The following UNKL variants were observed in gnomAD, a reference collection of about 807,000 sequenced individuals.
UNKL encodes the protein unk like zinc finger.
In UNKL, 60 loss-of-function variants were observed where a neutral mutation model predicts 78.0. The ratio of observed to expected loss-of-function variants is 0.77; its 90% CI spans 0.63 to 0.95. The LOEUF is 0.95. Among genes scored for constraint, UNKL ranks in the 40% least tolerant of loss-of-function variants. The pLI is 0.00. For missense variants in UNKL, 1,159 were observed against 1,045.7 expected (o/e 1.11, Z -1.49); for synonymous variants, 608 against 474.8 (o/e 1.28, Z -3.65).
At chr16:1,375,167 G>A (rs920833482) in intron 10 of UNKL, among the ~76,000 whole-genome samples, 1 of 152,216 alleles carries the variant, frequency 6.6e-6, no homozygotes, top group African/African-American at 2.4e-5. Context: ...GTGCCGCGGT[G>A]GTGGCCCCAG....
rs778299073 is a variant in UNKL at position 1,401,541 on chromosome 16, C to T, written c.598+27G>A. On this transcript the variant is annotated intron_variant, in intron 4 of 14. Coordinates refer to ENST00000389221, the MANE Select transcript of UNKL (RefSeq NM_001372107.1). ...GCGCTGTGCCCGCCCCCCCCACCAC[C>T]GCCCTCAGCTGCGGCCGTGGAGTTA... 1.9e-5 allele frequency: 29 copies of T among 1,514,006 alleles called. No individual in the cohort carries two copies. The African/African-American group carries it at 2.9e-4, about 15-fold the overall frequency. 93.8% of individuals were successfully genotyped at this position (1,514,006 alleles called of 1,614,324 possible).
intron 10 of UNKL, among the ~76,000 whole-genome samples, chr16:1,372,029 G>A (rs556386592): frequency 7.6e-4 from 115 of 152,214 alleles, no homozygotes; most frequent in African/African-American, 2.7e-3. Flanking sequence ...GGCCGAGGTG[G>A]GCAGATCACA....
At chr16:1,375,207 T>C (rs4984826) in intron 10 of UNKL, among the ~76,000 whole-genome samples, 143,505 of 152,334 alleles carry the variant, frequency 0.94, 67,651 homozygotes, top group East Asian at 1. Context: ...GGCGTGGACG[T>C]GGCGCAGCTG....
At chr16:1,371,776 G>A (rs1271492362) in intron 10 of UNKL, among the ~76,000 whole-genome samples, 165 bp from the exon 11 acceptor site, 1 of 152,256 alleles carries the variant, frequency 6.6e-6, no homozygotes, top group East Asian at 1.9e-4. Context: ...GCCCGTCCTC[G>A]CAGCCCCCCA....
chr16:1,413,697 G>C, intron 2 of UNKL, 149 bp downstream of exon 2: 2 of 883,178 alleles, frequency 2.3e-6, no homozygotes, highest in South Asian at 1.9e-5. Flanking sequence ...AGCATCCCTG[G>C]TCACTAGAAA....
At chr16:1,375,098 G>A (rs1052144492) in intron 10 of UNKL, among the ~76,000 whole-genome samples, 7 of 152,240 alleles carry the variant, frequency 4.6e-5, no homozygotes, top group Admixed American at 2.0e-4. Context: ...CCCCTCGCCC[G>A]AGGCCTGGCG....
Position 1,367,563 on chromosome 16 carries a change from C to CCTCT in UNKL, c.1788+92_1788+93insAGAG, listed in dbSNP as rs1446257054. ...CTCACCTGAGTCACCTGCGGCCCTCCCTCCCTCCCCTCCCATCTCACCCCC... is the reference window on the plus strand; with the variant it reads ...CTCACCTGAGTCACCTGCGGCCCTCCCTCTCTCCCTCCCCTCCCATCTCACCCCC... On this transcript the variant is annotated intron_variant, in intron 13 of 14. Transcript: ENST00000389221. The CCTCT allele has an allele frequency of 3.8e-5, 17 of 453,004 alleles. 1 individual carries two copies. The highest frequency in any genetic ancestry group is 5.7e-5 in the Non-Finnish European group (15 of 263,406). The allele number at this position is 453,004 out of a possible 1,614,324, so 28.1% of individuals were successfully genotyped here.
intron 5 of UNKL, among the ~76,000 whole-genome samples, chr16:1,397,904 C>T (rs913494126): frequency 6.6e-6 from 1 of 152,234 alleles, no homozygotes; most frequent in Non-Finnish European, 1.5e-5. Flanking sequence ...GGAGGGGCCT[C>T]GGGCATGGGG....
chr16:1,397,464 G>A lies in UNKL; in HGVS notation c.735-169C>T, dbSNP rs377527979. 1.3e-3 allele frequency among the ~76,000 whole-genome samples: 126 copies of A among 99,848 alleles called. 4 individuals carry two copies. Among genetic ancestry groups the A allele is most frequent in the African/African-American group, 4.4e-3 (112 of 25,408 alleles). The allele number at this position is 99,848 out of a possible 152,430, so 65.5% of individuals were successfully genotyped here. ...CCCGTGCTTCACGCTGGGGCAGGGC[G>A]TGGACCTGGGGATGAGGAGGTGTCA... On this transcript the variant is annotated intron_variant, in intron 5 of 14. Coordinates refer to ENST00000389221, the MANE Select transcript of UNKL (RefSeq NM_001372107.1).
intron 10 of UNKL, among the ~76,000 whole-genome samples, chr16:1,378,604 C>A (rs992199541): frequency 6.6e-6 from 1 of 152,204 alleles, no homozygotes; most frequent in African/African-American, 2.4e-5. Context: ...CAATGCTCAC[C>A]CGACAAACTA....
At chr16:1,371,082 C>CAAA (rs764163064) in intron 11 of UNKL, among the ~76,000 whole-genome samples, 6 of 67,968 alleles carry the variant, frequency 8.8e-5, no homozygotes, top group African/African-American at 1.3e-4. Flanking sequence ...GGCTCTGTCT[C>CAAA]AAAAAAAAAA....
intron 6 of UNKL, among the ~76,000 whole-genome samples, chr16:1,396,398 C>T (rs1368730891): frequency 3.3e-5 from 5 of 151,118 alleles, no homozygotes; most frequent in East Asian, 2.0e-4. Context: ...GTGCTCCTCG[C>T]GTCTCAGCCT....
chr16:1,404,043 C>G (rs1014367613), intron 2 of UNKL, among the ~76,000 whole-genome samples: 15 of 152,196 alleles, frequency 9.9e-5, no homozygotes, highest in Non-Finnish European at 1.8e-4. Flanking sequence ...CATAGGCAGG[C>G]AGCAGCGACG....
At chr16:1,369,184 C>A (rs929107304) in intron 12 of UNKL, among the ~76,000 whole-genome samples, 1 of 144,844 alleles carries the variant, frequency 6.9e-6, no homozygotes, top group Non-Finnish European at 1.5e-5. Context: ...ATTCTCCTGC[C>A]TTAGCCTCCC....
intron 4 of UNKL, 46 bp downstream of exon 4, chr16:1,401,522 T>TGGGGG: frequency 4.4e-5 from 65 of 1,466,942 alleles, no homozygotes; most frequent in Non-Finnish European, 5.4e-5. Flanking sequence ...TCTCGCGCTG[T>TGGGGG]GCCCGCCCCC....
intron 10 of UNKL, among the ~76,000 whole-genome samples, chr16:1,375,088 C>T (rs1362622258): frequency 2.0e-5 from 3 of 151,934 alleles, no homozygotes; most frequent in African/African-American, 7.2e-5. Context: ...TGGCGGGTGG[C>T]CCCTCGCCCG....
intron 2 of UNKL, among the ~76,000 whole-genome samples, chr16:1,404,985 G>A (rs1007196098): frequency 6.6e-6 from 1 of 152,142 alleles, no homozygotes; most frequent in African/African-American, 2.4e-5. Context: ...CTTGAGGCTA[G>A]GGGTTCAAGA....
chr16:1,405,573 T>A (rs1199299955), intron 2 of UNKL, among the ~76,000 whole-genome samples: 2 of 146,092 alleles, frequency 1.4e-5, no homozygotes, highest in East Asian at 2.0e-4. Flanking sequence ...CAAAACTCCA[T>A]CTCAAAAAAA....
At chr16:1,401,082 C>A (rs776580294) in intron 4 of UNKL, among the ~76,000 whole-genome samples, 6 of 152,170 alleles carry the variant, frequency 3.9e-5, no homozygotes, top group Non-Finnish European at 8.8e-5. Flanking sequence ...CGAGGGACAG[C>A]CCCCTGGTCC....
Sources: gnomAD v4.1 joint callset for allele counts (sites outside exome capture counted in the v4.1 genomes callset) on GRCh38, gnomAD v4.1.1 for gene constraint, MANE v1.5 for transcripts, NCBI Gene and HGNC (gene_info 2026-07-23, HGNC 2026-07-21) for gene names.